Variants in PKHD1 observed in about 807,000 individuals in gnomAD.
PKHD1 encodes the protein fibrocystin.
In PKHD1, 291 loss-of-function variants were observed where a neutral mutation model predicts 412.0. The observed-to-expected ratio is 0.71, with a 90% CI of 0.64 to 0.78. PKHD1 has a LOEUF of 0.78. Ranked by LOEUF, PKHD1 falls within the 30% of genes least tolerant of loss-of-function variation. The pLI is 0.00. For missense variants in PKHD1, 4,825 were observed against 4,950.7 expected (o/e 0.97, Z 0.76); for synonymous variants, 1,777 against 1,821.5 (o/e 0.98, Z 0.62).
chr6:51,834,396 T>C (rs1768815025), intron 51 of PKHD1, among the ~76,000 whole-genome samples: 1 of 152,154 alleles, frequency 6.6e-6, no homozygotes, highest in African/African-American at 2.4e-5. Flanking sequence ...TGTTCTTATA[T>C]GACCATGGAC....
At chr6:52,020,894 T>C (rs9474132) in intron 33 of PKHD1, among the ~76,000 whole-genome samples, 2,835 of 131,304 alleles carry the variant, frequency 0.022, 89 homozygotes, top group African/African-American at 0.075. Flanking sequence ...TTGATGTCCA[T>C]TATAGACCTA....
At chr6:51,758,703 T>C (rs1787479080) in intron 55 of PKHD1, among the ~76,000 whole-genome samples, 1 of 152,206 alleles carries the variant, frequency 6.6e-6, no homozygotes, top group South Asian at 2.1e-4. Context: ...ACTGTGGAAG[T>C]CTTTTTAAAG....
At chr6:51,702,606 C>CA in intron 60 of PKHD1, among the ~76,000 whole-genome samples, 1 of 151,844 alleles carries the variant, frequency 6.6e-6, no homozygotes, top group South Asian at 2.1e-4. Flanking sequence ...GAAATTGGTA[C>CA]AAATTAGAAA....
chr6:51,713,808 A>T (rs1780922797), intron 60 of PKHD1, among the ~76,000 whole-genome samples: 1 of 152,154 alleles, frequency 6.6e-6, no homozygotes, highest in African/African-American at 2.4e-5. Flanking sequence ...TGTTAAAATG[A>T]GCCATGATAC....
intron 35 of PKHD1, among the ~76,000 whole-genome samples, chr6:51,989,747 T>A (rs116059821): frequency 4.4e-4 from 66 of 151,118 alleles, no homozygotes; most frequent in African/African-American, 1.6e-3. Flanking sequence ...ATTAGACCAT[T>A]AAAATACCTC....
chr6:51,647,967 G>T, intron 63 of PKHD1, 64 bp downstream of exon 63: 1 of 981,742 alleles, frequency 1.0e-6, no homozygotes, highest in South Asian at 1.3e-5. Context: ...CCTAATGGCT[G>T]CAAACATTTT....
chr6:51,662,096 T>A, intron 60 of PKHD1, among the ~76,000 whole-genome samples: 1 of 151,940 alleles, frequency 6.6e-6, no homozygotes, highest in Admixed American at 6.6e-5. Context: ...AAAACAATAA[T>A]AATTATACTT....
chr6:51,638,021 T>G (rs1768810294), intron 64 of PKHD1, among the ~76,000 whole-genome samples: 1 of 152,240 alleles, frequency 6.6e-6, no homozygotes, highest in Admixed American at 6.5e-5. Context: ...TATTAAGTTC[T>G]CTCAAACATA....
chr6:51,695,538 G>T (rs1778697530), intron 60 of PKHD1, among the ~76,000 whole-genome samples: 1 of 152,084 alleles, frequency 6.6e-6, no homozygotes, highest in Admixed American at 6.6e-5. Context: ...TAGGAATCAG[G>T]ACATAATTTG....
At chr6:51,988,986 G>A (rs1482004255) in intron 35 of PKHD1, among the ~76,000 whole-genome samples, 1 of 152,230 alleles carries the variant, frequency 6.6e-6, no homozygotes, top group Non-Finnish European at 1.5e-5. Context: ...CATTGTTAAA[G>A]TCTGTGGCTT....
intron 35 of PKHD1, among the ~76,000 whole-genome samples, chr6:51,970,830 C>G (rs1417751962): frequency 6.6e-6 from 1 of 152,120 alleles, no homozygotes; most frequent in Non-Finnish European, 1.5e-5. Context: ...AATACCAGTA[C>G]CATGCTGTTT....
chr6:52,060,605 A>G (rs1182601049), intron 14 of PKHD1, among the ~76,000 whole-genome samples: 2 of 152,184 alleles, frequency 1.3e-5, no homozygotes, highest in African/African-American at 4.8e-5. Context: ...TTAAAAGATA[A>G]TATTTTTAAT....
At chr6:51,635,861 G>A (rs1156992827) in intron 64 of PKHD1, among the ~76,000 whole-genome samples, 13 of 119,870 alleles carry the variant, frequency 1.1e-4, no homozygotes, top group African/African-American at 2.6e-4. Flanking sequence ...GTGAAGGTGG[G>A]GGGGGGCGGG....
chr6:51,709,639 G>A (rs1780408773), intron 60 of PKHD1, among the ~76,000 whole-genome samples: 1 of 152,148 alleles, frequency 6.6e-6, no homozygotes, highest in Admixed American at 6.5e-5. Context: ...TTAGTAAAAT[G>A]TGTTTATGGA....
intron 29 of PKHD1, among the ~76,000 whole-genome samples, chr6:52,030,161 G>C (rs1330443979): frequency 1.3e-5 from 2 of 152,230 alleles, no homozygotes; most frequent in Non-Finnish European, 2.9e-5. Context: ...AGAGGAAAAA[G>C]AGGTTGCTTG....
intron 60 of PKHD1, among the ~76,000 whole-genome samples, chr6:51,700,781 C>T (rs544955250): frequency 6.6e-6 from 1 of 152,002 alleles, no homozygotes; most frequent in Non-Finnish European, 1.5e-5. Context: ...ATTAAAAAAC[C>T]CCATGCTTAT....
At chr6:51,657,557 A>T (rs1340987851) in intron 61 of PKHD1, among the ~76,000 whole-genome samples, 1 of 152,202 alleles carries the variant, frequency 6.6e-6, no homozygotes, top group Non-Finnish European at 1.5e-5. Context: ...ATGCTATATT[A>T]TACACTTTGA....
intron 43 of PKHD1, among the ~76,000 whole-genome samples, chr6:51,903,025 A>C (rs1028542915): frequency 6.6e-6 from 1 of 152,164 alleles, no homozygotes; most frequent in African/African-American, 2.4e-5. Flanking sequence ...TATTGGAATC[A>C]AGTGAGACAA....
rs1003539826 is a variant in PKHD1, at chr6:51,771,580, T to C, written c.8642+1122A>G. 3.3e-5 allele frequency among the ~76,000 whole-genome samples: 5 copies of C among 151,852 alleles called. No homozygotes were observed. The East Asian group carries it at 5.8e-4, about 18-fold the overall frequency. On this transcript the variant is annotated intron_variant, in intron 55 of 66. Coordinates refer to ENST00000371117, the MANE Select transcript of PKHD1 (RefSeq NM_138694.4). ...ATCGCAATGAGCCAAGATTGTGCCA[T>C]TGCAATCCATCCTGGCCAATAGAGT...
Sources: gnomAD v4.1 joint callset for allele counts (sites outside exome capture counted in the v4.1 genomes callset) on GRCh38, gnomAD v4.1.1 for gene constraint, MANE v1.5 for transcripts, NCBI Gene and HGNC (gene_info 2026-07-23, HGNC 2026-07-21) for gene names.